The following SND1 variants were observed in gnomAD, a reference collection of about 807,000 sequenced individuals.
The protein encoded by SND1 is staphylococcal nuclease domain-containing protein 1.
SND1 carries 38 observed loss-of-function variants against 121.7 expected under a neutral mutation model. That is an observed-to-expected ratio of 0.31 (90% CI 0.24 to 0.41). The LOEUF is 0.41. SND1 is among the 10% of genes least tolerant of loss of function. SND1 has a pLI of 1.00. For synonymous variants in SND1, 401 were observed against 447.4 expected (o/e 0.90, Z 1.31); for missense variants, 868 against 1,184.6 (o/e 0.73, Z 3.92).
intron 14 of SND1, among the ~76,000 whole-genome samples, chr7:127,908,151 A>G (rs544962789): frequency 2.0e-4 from 31 of 152,174 alleles, no homozygotes; most frequent in African/African-American, 7.5e-4. Context: ...TAGGGCTTTG[A>G]TAAAAAATTT....
chr7:128,084,973 T>G, intron 19 of SND1, 126 bp downstream of exon 19: 1 of 938,652 alleles, frequency 1.1e-6, no homozygotes. Flanking sequence ...CTAGCAGCTC[T>G]CCTGGGTGTC....
chr7:127,895,483 G>T (rs1800100811), intron 13 of SND1, among the ~76,000 whole-genome samples: 1 of 152,034 alleles, frequency 6.6e-6, no homozygotes, highest in South Asian at 2.1e-4. Context: ...TTTAACTTTG[G>T]AAATGCACAC....
At chr7:127,886,323 T>G (rs1029435457) in intron 12 of SND1, among the ~76,000 whole-genome samples, 1 of 151,486 alleles carries the variant, frequency 6.6e-6, no homozygotes, top group East Asian at 1.9e-4. Flanking sequence ...AAAAAAAGCA[T>G]GTTCTCCTGG....
intron 22 of SND1, 113 bp downstream of exon 22, chr7:128,089,805 G>A: frequency 2.1e-6 from 2 of 972,650 alleles, no homozygotes; most frequent in Non-Finnish European, 3.1e-6. Context: ...TGTTCCTGCT[G>A]AGGAAAGATA....
chr7:127,778,360 G>A (rs1797659273), intron 10 of SND1, among the ~76,000 whole-genome samples: 1 of 152,010 alleles, frequency 6.6e-6, no homozygotes, highest in Admixed American at 6.5e-5. Flanking sequence ...ACCACGCCCA[G>A]CTAACTTTTC....
At chr7:127,986,434 C>G (rs1802392232) in intron 15 of SND1, among the ~76,000 whole-genome samples, 1 of 152,126 alleles carries the variant, frequency 6.6e-6, no homozygotes, top group African/African-American at 2.4e-5. Context: ...CCTTGCATAT[C>G]CTTCATTTTA....
intron 10 of SND1, among the ~76,000 whole-genome samples, chr7:127,756,342 T>C (rs925618038): frequency 2.0e-5 from 3 of 152,220 alleles, no homozygotes; most frequent in Non-Finnish European, 4.4e-5. Flanking sequence ...TAGGATTGAT[T>C]AGCTATGTTT....
At chr7:127,950,747 G>T (rs890461960) in intron 15 of SND1, among the ~76,000 whole-genome samples, 4 of 152,152 alleles carry the variant, frequency 2.6e-5, no homozygotes, top group African/African-American at 9.7e-5. Flanking sequence ...GAGATGTAAT[G>T]GTGGCTGCAG....
At chr7:127,774,207 G>A (rs754193668) in intron 10 of SND1, among the ~76,000 whole-genome samples, 11 of 152,200 alleles carry the variant, frequency 7.2e-5, no homozygotes, top group Non-Finnish European at 1.3e-4. Context: ...GGGACAAGAT[G>A]TGGAGATTCA....
At chr7:127,779,032 C>T (rs1657435792) in intron 10 of SND1, among the ~76,000 whole-genome samples, 1 of 152,134 alleles carries the variant, frequency 6.6e-6, no homozygotes, top group Non-Finnish European at 1.5e-5. Flanking sequence ...TAACAAATAC[C>T]GTGTTTCCTA....
intron 15 of SND1, among the ~76,000 whole-genome samples, chr7:127,943,324 A>G (rs919101203): frequency 1.3e-5 from 2 of 149,718 alleles, no homozygotes; most frequent in Non-Finnish European, 3.0e-5. Context: ...ACCTCACCTC[A>G]ATCTTCACAT....
At chr7:127,828,733 A>G (rs938237095) in intron 11 of SND1, among the ~76,000 whole-genome samples, 3 of 152,204 alleles carry the variant, frequency 2.0e-5, no homozygotes, top group Non-Finnish European at 4.4e-5. Flanking sequence ...AGGATAATAA[A>G]TTTATAGCTC....
chr7:128,088,856 A>G (rs1584783212), intron 21 of SND1, among the ~76,000 whole-genome samples: 2 of 152,182 alleles, frequency 1.3e-5, no homozygotes, highest in South Asian at 4.2e-4. Flanking sequence ...AAAGGGCACC[A>G]AGTGTAGGTG....
chr7:127,659,229 G>A (rs1199714159), intron 1 of SND1, among the ~76,000 whole-genome samples: 1 of 152,150 alleles, frequency 6.6e-6, no homozygotes, highest in African/African-American at 2.4e-5. Context: ...GGAATCACAG[G>A]TTGTGAACAT....
At chr7:127,702,238 G>T (rs1796117655) in intron 5 of SND1, among the ~76,000 whole-genome samples, 197 bp from the exon 6 acceptor site, 1 of 152,168 alleles carries the variant, frequency 6.6e-6, no homozygotes, top group Non-Finnish European at 1.5e-5. Flanking sequence ...GGTCTAATCT[G>T]CATTCTCCAG....
intron 18 of SND1, chr7:128,081,946 G>GCCT (rs1459676901): frequency 1.9e-6 from 1 of 535,150 alleles, no homozygotes; most frequent in Non-Finnish European, 3.8e-6. Context: ...GTTTGTCTCT[G>GCCT]CTGGGGTTTC....
At chr7:127,783,685 T>C (rs1299231426) in intron 10 of SND1, among the ~76,000 whole-genome samples, 1 of 152,198 alleles carries the variant, frequency 6.6e-6, no homozygotes, top group Non-Finnish European at 1.5e-5. Flanking sequence ...CTTAGCTCTT[T>C]TGCTTCATGT....
At chr7:127,873,843 C>T (rs1379717285) in intron 12 of SND1, among the ~76,000 whole-genome samples, 4 of 152,254 alleles carry the variant, frequency 2.6e-5, no homozygotes, top group African/African-American at 4.8e-5. Flanking sequence ...TGAAATCGAA[C>T]CTCATAATGT....
At chr7:128,017,992 G>A (rs1803263167) in intron 16 of SND1, among the ~76,000 whole-genome samples, 1 of 152,190 alleles carries the variant, frequency 6.6e-6, no homozygotes, top group Non-Finnish European at 1.5e-5. Flanking sequence ...ATTGCCAGTG[G>A]GGAACTGCTG....
Sources: gnomAD v4.1 joint callset for allele counts (sites outside exome capture counted in the v4.1 genomes callset) on GRCh38, gnomAD v4.1.1 for gene constraint, MANE v1.5 for transcripts, NCBI Gene and HGNC (gene_info 2026-07-23, HGNC 2026-07-21) for gene names.